NAALADL2: variants seen among roughly 807,000 people sequenced by gnomAD.
The protein encoded by NAALADL2 is inactive N-acetylated-alpha-linked acidic dipeptidase-like protein 2.
A neutral mutation model predicts 87.2 loss-of-function variants in NAALADL2; 76 were observed. The observed-to-expected ratio is 0.87, with a 90% confidence interval of 0.72 to 1.05. The LOEUF is 1.05. Among genes scored for constraint, NAALADL2 ranks in the 50% least tolerant of loss-of-function variants. The pLI, the probability that NAALADL2 is intolerant of heterozygous loss-of-function variation, is 0.00. For synonymous variants in NAALADL2, 354 were observed against 331.0 expected (o/e 1.07, Z -0.75); for missense variants, 1,089 against 945.8 (o/e 1.15, Z -1.99).
intron 1 of NAALADL2, among the ~76,000 whole-genome samples, chr3:174,987,297 C>T (rs543669911): frequency 3.3e-5 from 5 of 152,046 alleles, no homozygotes; most frequent in South Asian, 4.2e-4. Context: ...CGGCCGGGCG[C>T]GGTGGCTCAC....
intron 1 of NAALADL2, among the ~76,000 whole-genome samples, chr3:174,920,069 T>C (rs1734945851): frequency 6.6e-6 from 1 of 152,298 alleles, no homozygotes; most frequent in Non-Finnish European, 1.5e-5. Context: ...GCCTTGATGT[T>C]CCATTTTATA....
intron 2 of NAALADL2, among the ~76,000 whole-genome samples, chr3:174,594,436 A>G (rs1004688679): frequency 6.6e-6 from 1 of 152,198 alleles, no homozygotes; most frequent in Non-Finnish European, 1.5e-5. Flanking sequence ...TCAAAGAATA[A>G]TGCTTAGAAT....
intron 1 of NAALADL2, among the ~76,000 whole-genome samples, chr3:174,988,974 G>A (rs563597674): frequency 6.6e-6 from 1 of 152,304 alleles, no homozygotes; most frequent in South Asian, 2.1e-4. Flanking sequence ...TCTGCGTCTA[G>A]TGAGAGCCTC....
chr3:174,695,944 G>C (rs144284806), intron 2 of NAALADL2, among the ~76,000 whole-genome samples: 2 of 152,000 alleles, frequency 1.3e-5, no homozygotes, highest in Admixed American at 6.6e-5. Flanking sequence ...TTGACATTCA[G>C]TGATCCTGGT....
chr3:174,883,503 ACTT>A (rs1192758654), intron 1 of NAALADL2, among the ~76,000 whole-genome samples: 1 of 152,226 alleles, frequency 6.6e-6, no homozygotes, highest in African/African-American at 2.4e-5. Flanking sequence ...AGCTAGCAAT[ACTT>A]AAATGCTGAT....
intron 1 of NAALADL2, among the ~76,000 whole-genome samples, chr3:175,042,625 A>G (rs575045002): frequency 6.6e-6 from 1 of 152,276 alleles, no homozygotes; most frequent in African/African-American, 2.4e-5. Context: ...GTTAATTGTC[A>G]TTCTAATAGA....
chr3:175,442,796 TTATGAAG>T (rs1720029621), intron 5 of NAALADL2, among the ~76,000 whole-genome samples: 1 of 152,188 alleles, frequency 6.6e-6, no homozygotes, highest in Non-Finnish European at 1.5e-5. Context: ...CCCTCAGTCT[TTATGAAG>T]CATAAACAAG....
intron 13 of NAALADL2, among the ~76,000 whole-genome samples, chr3:175,796,114 G>A (rs1376329118): frequency 6.7e-6 from 1 of 148,388 alleles, no homozygotes; most frequent in Non-Finnish European, 1.5e-5. Context: ...GGAGAGGCAG[G>A]GTGGGTGGGG....
rs775778803 is a variant in NAALADL2 at position 175,393,280 on chromosome 3, C to CAAAAAAAAAA, written c.1091-53922_1091-53913dup. Among the ~76,000 whole-genome samples, 85 of 29,520 alleles carry CAAAAAAAAAA rather than the reference C, an allele frequency of 2.9e-3. 21 individuals are homozygous for CAAAAAAAAAA. The highest frequency in any genetic ancestry group is 6.1e-3 in the African/African-American group (43 of 6,992). The allele number at this position is 29,520 out of a possible 152,430, so 19.4% of individuals were successfully genotyped here. A position where few individuals can be genotyped will look rare whatever the true frequency, so the allele number is the denominator to read the frequency against. On this transcript the variant is annotated intron_variant, in intron 5 of 13. Transcript: ENST00000454872. ...TGGGCGACAGAGCGAGACTCCGTCT[C>CAAAAAAAAAA]AAAAAAAAAAAAAAAAAAAAAAAAA...
At chr3:174,588,256 T>C (rs1716948387) in intron 2 of NAALADL2, among the ~76,000 whole-genome samples, 1 of 152,222 alleles carries the variant, frequency 6.6e-6, no homozygotes, top group South Asian at 2.1e-4. Context: ...CTGTTTATTC[T>C]AGTTAGCCAT....
chr3:174,843,206 C>T (rs1436286685), intron 3 of NAALADL2, among the ~76,000 whole-genome samples: 1 of 152,098 alleles, frequency 6.6e-6, no homozygotes, highest in Non-Finnish European at 1.5e-5. Context: ...GAACTTATTT[C>T]TTCTAATAGT....
intron 1 of NAALADL2, among the ~76,000 whole-genome samples, chr3:174,964,861 A>G (rs1465858410): frequency 3.3e-5 from 5 of 150,884 alleles, no homozygotes; most frequent in Non-Finnish European, 5.9e-5. Flanking sequence ...GTGTGTATAT[A>G]TATGTATATA....
intron 1 of NAALADL2, 142 bp from the exon 2 acceptor site, chr3:175,096,648 A>G (rs1205662227): frequency 7.1e-6 from 3 of 424,580 alleles, no homozygotes; most frequent in East Asian, 7.6e-5. Flanking sequence ...ATTAAATAAA[A>G]TATGAGTTTC....
At chr3:175,243,968 G>C (rs1431734983) in intron 3 of NAALADL2, among the ~76,000 whole-genome samples, 1 of 152,046 alleles carries the variant, frequency 6.6e-6, no homozygotes, top group East Asian at 1.9e-4. Context: ...AATAGCTATT[G>C]ACCTTCCATC....
At chr3:175,425,527 T>A (rs1716624667) in intron 5 of NAALADL2, among the ~76,000 whole-genome samples, 1 of 152,308 alleles carries the variant, frequency 6.6e-6, no homozygotes, top group East Asian at 1.9e-4. Context: ...TAAATTTAGA[T>A]GTATTTTTTT....
chr3:174,933,166 G>T (rs1737176872), intron 1 of NAALADL2, among the ~76,000 whole-genome samples: 1 of 152,170 alleles, frequency 6.6e-6, no homozygotes, highest in Non-Finnish European at 1.5e-5. Flanking sequence ...TGACTCTGCT[G>T]AACCTTGCTG....
intron 1 of NAALADL2, among the ~76,000 whole-genome samples, chr3:174,912,829 C>T (rs1733880180): frequency 6.6e-6 from 1 of 152,142 alleles, no homozygotes; most frequent in African/African-American, 2.4e-5. Context: ...ATTAATCTCT[C>T]ATCATTTTGC....
At chr3:174,509,496 A>C (rs1470770167) in intron 1 of NAALADL2, among the ~76,000 whole-genome samples, 1 of 140,754 alleles carries the variant, frequency 7.1e-6, no homozygotes, top group Non-Finnish European at 1.5e-5. Flanking sequence ...CCGCCTCCTG[A>C]GTTCAAGCGA....
At chr3:175,106,539 A>G (rs1723190875) in intron 2 of NAALADL2, among the ~76,000 whole-genome samples, 1 of 152,114 alleles carries the variant, frequency 6.6e-6, no homozygotes, top group East Asian at 1.9e-4. Context: ...GTACAAGGGA[A>G]TAACAAATGT....
Sources: allele counts gnomAD v4.1 joint callset (sites outside exome capture counted in the v4.1 genomes callset), GRCh38; gene constraint gnomAD v4.1.1; transcripts MANE v1.5; gene names NCBI Gene and HGNC (gene_info 2026-07-23, HGNC 2026-07-21).